SEMA3E: variants seen among roughly 807,000 people sequenced by gnomAD.
SEMA3E encodes the protein semaphorin 3E.
In SEMA3E, 49 loss-of-function variants were observed where a neutral mutation model predicts 93.6. That is an observed-to-expected ratio of 0.52 (90% CI 0.42 to 0.66). The LOEUF is 0.66. Ranked by LOEUF, SEMA3E falls within the 30% of genes least tolerant of loss-of-function variation. The pLI, the probability that SEMA3E is intolerant of heterozygous loss-of-function variation, is 0.00. For synonymous variants in SEMA3E, 363 were observed against 330.7 expected (o/e 1.10, Z -1.06); for missense variants, 906 against 964.8 (o/e 0.94, Z 0.81).
At chr7:83,647,735 A>C (rs1166048140) in intron 1 of SEMA3E, among the ~76,000 whole-genome samples, 1 of 152,204 alleles carries the variant, frequency 6.6e-6, no homozygotes, top group African/African-American at 2.4e-5. Flanking sequence ...AGGCAATATA[A>C]ATTTACACTA....
chr7:83,400,698 G>A (rs1788220454), intron 10 of SEMA3E, among the ~76,000 whole-genome samples: 1 of 152,026 alleles, frequency 6.6e-6, no homozygotes, highest in South Asian at 2.1e-4. Context: ...CAGAGAAACT[G>A]GATAAATTCT....
Position 83,365,315 on chromosome 7 carries a change from A to G in SEMA3E, c.*2271T>C, listed in dbSNP as rs1041131659. On this transcript the variant is annotated 3_prime_UTR_variant, in exon 17 of 17. Coordinates refer to ENST00000643230, the MANE Select transcript of SEMA3E (RefSeq NM_012431.3). ...ACAGGCGGGAAGCAAGATTATATACATATATATGTACATATGTGTGTGTAT... is the reference window on the plus strand; with the variant it reads ...ACAGGCGGGAAGCAAGATTATATACGTATATATGTACATATGTGTGTGTAT... 1 of 152,088 alleles carries G rather than the reference A, an allele frequency of 6.6e-6. No homozygotes were observed. Among genetic ancestry groups the G allele is most frequent in the Non-Finnish European group, 1.5e-5 (1 of 67,998 alleles). 9.4% of individuals were successfully genotyped at this position (152,088 alleles called of 1,614,324 possible).
In SEMA3E at chr7:83,367,578, T is replaced by C; in HGVS notation, c.*8A>G. ...ATTCTTCAAAAGACAGTAGATAGTC[T>C]CACCCCATCAGGAGTCCAGCGTGTG... On this transcript the variant is annotated 3_prime_UTR_variant, in exon 17 of 17. Transcript: ENST00000643230. The C allele has an allele frequency of 6.2e-7, 1 of 1,613,694 alleles. No individual in the cohort carries two copies. Among genetic ancestry groups the C allele is most frequent in the Non-Finnish European group, 8.5e-7 (1 of 1,179,618 alleles).
chr7:83,617,449 T>G (rs866536518), intron 1 of SEMA3E, among the ~76,000 whole-genome samples: 1 of 127,976 alleles, frequency 7.8e-6, no homozygotes, highest in Admixed American at 8.2e-5. Flanking sequence ...TATATAAATT[T>G]TATATAAATA....
intron 4 of SEMA3E, among the ~76,000 whole-genome samples, chr7:83,454,272 A>AATATATATATATATAT (rs71534491): frequency 1.8e-5 from 2 of 110,136 alleles, no homozygotes; most frequent in African/African-American, 8.7e-5. Flanking sequence ...AAAAAAAAAA[A>AATATATATATATATAT]ATATATATAT....
intron 4 of SEMA3E, among the ~76,000 whole-genome samples, chr7:83,442,684 CT>C (rs1789140492): frequency 6.6e-6 from 1 of 152,050 alleles, no homozygotes; most frequent in South Asian, 2.1e-4. Flanking sequence ...TTTTTATAGC[CT>C]TTTTCCCTAC....
At chr7:83,383,974 A>T (rs754218221) in intron 16 of SEMA3E, among the ~76,000 whole-genome samples, 5 of 152,128 alleles carry the variant, frequency 3.3e-5, no homozygotes, top group Middle Eastern at 6.8e-3. Context: ...CTAAATCAAC[A>T]ACTTAACTCA....
chr7:83,604,723 C>T (rs868226749), intron 1 of SEMA3E, among the ~76,000 whole-genome samples: 2 of 151,826 alleles, frequency 1.3e-5, no homozygotes, highest in South Asian at 2.1e-4. Flanking sequence ...TCTATCAACC[C>T]GTCACCTAGG....
At chr7:83,581,952 A>C (rs1792526281) in intron 1 of SEMA3E, among the ~76,000 whole-genome samples, 1 of 152,002 alleles carries the variant, frequency 6.6e-6, no homozygotes, top group Non-Finnish European at 1.5e-5. Context: ...CAAAATACTA[A>C]CATTATTCTT....
intron 1 of SEMA3E, among the ~76,000 whole-genome samples, chr7:83,530,047 G>A (rs1010108684): frequency 6.6e-6 from 1 of 152,112 alleles, no homozygotes; most frequent in South Asian, 2.1e-4. Flanking sequence ...TCTATGTGCT[G>A]TCAACTTTTC....
intron 1 of SEMA3E, among the ~76,000 whole-genome samples, chr7:83,515,626 C>A (rs1004879447): frequency 6.6e-6 from 1 of 152,050 alleles, no homozygotes; most frequent in African/African-American, 2.4e-5. Flanking sequence ...AATTATTATC[C>A]GGAATCTTCC....
chr7:83,404,886 G>A (rs1296914351), intron 9 of SEMA3E, among the ~76,000 whole-genome samples: 1 of 151,896 alleles, frequency 6.6e-6, no homozygotes, highest in African/African-American at 2.4e-5. Flanking sequence ...GGAGGAGAAA[G>A]TTTTTTCAAG....
chr7:83,471,396 G>GA (rs895669281), intron 2 of SEMA3E, among the ~76,000 whole-genome samples: 1 of 150,974 alleles, frequency 6.6e-6, no homozygotes, highest in Admixed American at 6.6e-5. Flanking sequence ...AACAGAAAGG[G>GA]AAAAAACAGC....
At chr7:83,426,881 T>C (rs570424751) in intron 4 of SEMA3E, among the ~76,000 whole-genome samples, 68 of 152,278 alleles carry the variant, frequency 4.5e-4, no homozygotes, top group Middle Eastern at 6.8e-3. Flanking sequence ...CTAGTTGTTC[T>C]AGACACATTC....
Position 83,368,047 on chromosome 7 carries a change from A to G in SEMA3E, c.1876-9T>C. The G allele has an allele frequency of 6.2e-7, 1 of 1,612,768 alleles. No individual in the cohort carries two copies. The stretch of plus-strand genomic sequence containing the variant: ...CTGTCATCTGTCTTCACCTGCAAAA[A>G]CAAAAAAGTAAATGGCACTGAAGTA... On this transcript the variant is annotated splice_polypyrimidine_tract_variant and intron_variant, in intron 16 of 16. Transcript: ENST00000643230.
At chr7:83,628,610 C>T (rs1793723414) in intron 1 of SEMA3E, among the ~76,000 whole-genome samples, 1 of 151,714 alleles carries the variant, frequency 6.6e-6, no homozygotes, top group Non-Finnish European at 1.5e-5. Flanking sequence ...ACAAAGTTCT[C>T]ATGCTGTGTT....
intron 1 of SEMA3E, among the ~76,000 whole-genome samples, chr7:83,553,632 T>C (rs1791822318): frequency 6.6e-6 from 1 of 152,132 alleles, no homozygotes; most frequent in Non-Finnish European, 1.5e-5. Flanking sequence ...TGAATTAACT[T>C]TGGGGCTTTT....
chr7:83,409,568 G>A (rs1307792883), intron 5 of SEMA3E, among the ~76,000 whole-genome samples: 1 of 152,050 alleles, frequency 6.6e-6, no homozygotes, highest in Non-Finnish European at 1.5e-5. Context: ...TTTTTGTTAA[G>A]TTTGCAATGT....
chr7:83,640,836 G>C (rs916939188), intron 1 of SEMA3E, among the ~76,000 whole-genome samples: 10 of 151,870 alleles, frequency 6.6e-5, no homozygotes, highest in Non-Finnish European at 1.2e-4. Flanking sequence ...CCTCACAAAG[G>C]GGTACACAGA....
Sources: gnomAD v4.1 joint callset for allele counts (sites outside exome capture counted in the v4.1 genomes callset) on GRCh38, gnomAD v4.1.1 for gene constraint, MANE v1.5 for transcripts, NCBI Gene and HGNC (gene_info 2026-07-23, HGNC 2026-07-21) for gene names.